QSER1: variants seen among roughly 807,000 people sequenced by gnomAD.
The protein encoded by QSER1 is glutamine and serine-rich protein 1.
QSER1 carries 49 observed loss-of-function variants against 158.5 expected under a neutral mutation model. The ratio of observed to expected loss-of-function variants is 0.31; its 90% CI spans 0.25 to 0.39. QSER1 has a LOEUF of 0.39. Among genes scored for constraint, QSER1 ranks in the 10% least tolerant of loss-of-function variants. The pLI is 1.00. For synonymous variants in QSER1, 650 were observed against 715.5 expected (o/e 0.91, Z 1.46); for missense variants, 1,754 against 2,010.3 (o/e 0.87, Z 2.44).
chr11:32,973,807 C>T (rs1432889664), intron 11 of QSER1, among the ~76,000 whole-genome samples: 1 of 152,086 alleles, frequency 6.6e-6, no homozygotes, highest in Non-Finnish European at 1.5e-5. Context: ...ATCTCGTGCT[C>T]ATGTTTATAT....
intron 1 of QSER1, among the ~76,000 whole-genome samples, chr11:32,900,878 G>A (rs571148031): frequency 6.6e-6 from 1 of 152,308 alleles, no homozygotes; most frequent in East Asian, 1.9e-4. Context: ...GCACATCACT[G>A]ACACATGACA....
intron 1 of QSER1, among the ~76,000 whole-genome samples, chr11:32,901,261 T>C (rs972253274): frequency 1.3e-5 from 2 of 152,246 alleles, no homozygotes; most frequent in South Asian, 2.1e-4. Flanking sequence ...GGATAGCATA[T>C]AGATTATTAA....
At chr11:32,927,940 T>G in intron 2 of QSER1, 22 bp from the exon 3 acceptor site, 1 of 606,824 alleles carries the variant, frequency 1.6e-6, no homozygotes, top group Non-Finnish European at 2.8e-6. Context: ...TACTTTGGGA[T>G]ATATTTTATC....
chr11:32,948,400 A>G (rs1852370116), intron 4 of QSER1, among the ~76,000 whole-genome samples: 1 of 152,234 alleles, frequency 6.6e-6, no homozygotes, highest in Non-Finnish European at 1.5e-5. Context: ...TTTACCATCT[A>G]TGTATGCATC....
At chr11:32,961,723 A>G (rs925418440) in intron 8 of QSER1, among the ~76,000 whole-genome samples, 1 of 152,144 alleles carries the variant, frequency 6.6e-6, no homozygotes, top group Non-Finnish European at 1.5e-5. Flanking sequence ...TGCCCATTCT[A>G]AATATCTCAT....
chr11:32,899,199 T>C (rs1851595069), intron 1 of QSER1, among the ~76,000 whole-genome samples: 2 of 152,210 alleles, frequency 1.3e-5, no homozygotes, highest in South Asian at 4.1e-4. Flanking sequence ...GTATTTACTT[T>C]AATCCATGGC....
chr11:32,957,137 T>TC (rs1400325735), intron 7 of QSER1, among the ~76,000 whole-genome samples: 12 of 149,012 alleles, frequency 8.1e-5, no homozygotes, highest in South Asian at 2.1e-4. Context: ...TTTTTTTCTT[T>TC]TTTTTTTTTT....
At chr11:32,961,849 CTAAG>C (rs933768949) in intron 8 of QSER1, among the ~76,000 whole-genome samples, 4 of 152,112 alleles carry the variant, frequency 2.6e-5, no homozygotes, top group African/African-American at 9.7e-5. Context: ...CTTTTTATGG[CTAAG>C]TAATATTCCA....
At chr11:32,963,360 T>C (rs1295386631) in intron 8 of QSER1, among the ~76,000 whole-genome samples, 12 of 152,004 alleles carry the variant, frequency 7.9e-5, no homozygotes, top group Non-Finnish European at 8.8e-5. Context: ...CAGGCTCTGT[T>C]TGTTTGTTTG....
intron 8 of QSER1, among the ~76,000 whole-genome samples, chr11:32,959,516 G>T (rs1852583422): frequency 6.6e-6 from 1 of 152,194 alleles, no homozygotes; most frequent in Non-Finnish European, 1.5e-5. Flanking sequence ...CATAAATTGA[G>T]TCTGAACCTA....
chr11:32,928,810 C>G (rs889913275), intron 3 of QSER1, among the ~76,000 whole-genome samples: 2 of 151,978 alleles, frequency 1.3e-5, no homozygotes, highest in Admixed American at 6.6e-5. Context: ...GATGTAAATT[C>G]CACTAATAGA....
intron 8 of QSER1, among the ~76,000 whole-genome samples, chr11:32,964,761 C>T (rs12272776): frequency 3.5e-5 from 5 of 141,122 alleles, no homozygotes; most frequent in African/African-American, 1.1e-4. Context: ...CACACACACA[C>T]ACACACACAC....
At chr11:32,906,446 G>C (rs1361017727) in intron 1 of QSER1, among the ~76,000 whole-genome samples, 1 of 152,130 alleles carries the variant, frequency 6.6e-6, no homozygotes, top group Non-Finnish European at 1.5e-5. Flanking sequence ...GTCTTACTCT[G>C]TCATCCAGGC....
rs776051259 is a variant in QSER1 at position 32,970,946 on chromosome 11, C to CTTTTTTTTT, written c.5205+1819_5205+1827dup. Among the ~76,000 whole-genome samples the CTTTTTTTTT allele has an allele frequency of 2.1e-4, 16 of 76,898 alleles. 1 individual carries two copies. Among genetic ancestry groups the CTTTTTTTTT allele is most frequent in the African/African-American group, 3.3e-4 (6 of 18,310 alleles). The allele number at this position is 76,898 out of a possible 152,430, so 50.4% of individuals were successfully genotyped here. On this transcript the variant is annotated intron_variant, in intron 10 of 12. Coordinates refer to ENST00000650167, the MANE Select transcript of QSER1 (RefSeq NM_001076786.3). Reference sequence around the variant, plus strand: ...GATAATTGTCATATAAAGCAATTTGCTTTTTTTTTTTTTTTTTTTTTTTTG... The same window carrying CTTTTTTTTT: ...GATAATTGTCATATAAAGCAATTTGCTTTTTTTTTTTTTTTTTTTTTTTTTTTTTTTTTG...
intron 4 of QSER1, among the ~76,000 whole-genome samples, chr11:32,942,264 T>C (rs1364610243): frequency 7.0e-6 from 1 of 142,462 alleles, no homozygotes; most frequent in Non-Finnish European, 1.5e-5. Context: ...ATTTTGTCTT[T>C]TGTTGCCATT....
intron 1 of QSER1, among the ~76,000 whole-genome samples, chr11:32,910,510 A>G (rs541404565): frequency 6.6e-6 from 1 of 152,316 alleles, no homozygotes; most frequent in Non-Finnish European, 1.5e-5. Flanking sequence ...AGACACTTGT[A>G]TGCGGTTTAA....
Position 32,917,413 on chromosome 11 carries a change from T to C in QSER1, c.210-9744T>C, listed in dbSNP as rs150736755. Among the ~76,000 whole-genome samples, 8 of 152,306 alleles carry C rather than the reference T, an allele frequency of 5.3e-5. 1 individual carries two copies. The South Asian group carries it at 1.2e-3, about 24-fold the overall frequency. On this transcript the variant is annotated intron_variant, in intron 1 of 12. Transcript: ENST00000650167. ...CATGTGGTAATGATGTTTAACTTTTTGAGGGAGGCATGAGATTTTATTAAT... is the reference window on the plus strand; with the variant it reads ...CATGTGGTAATGATGTTTAACTTTTCGAGGGAGGCATGAGATTTTATTAAT...
intron 4 of QSER1, among the ~76,000 whole-genome samples, chr11:32,944,024 G>T (rs2133566899): frequency 6.7e-6 from 1 of 149,626 alleles, no homozygotes; most frequent in African/African-American, 2.5e-5. Flanking sequence ...TATTTGCGTA[G>T]AGGTGTTTGT....
Position 32,893,865 on chromosome 11 carries a change from G to T in QSER1, c.209+531G>T, listed in dbSNP as rs1185727247. ...TGGGCTACGGGAGAATCCCCGGGGC[G>T]CAGGGCAGAAGAGGGGGCCCGGCAG... On this transcript the variant is annotated intron_variant, in intron 1 of 12. Coordinates refer to ENST00000650167, the MANE Select transcript of QSER1 (RefSeq NM_001076786.3). This position sits in a 1 kb window ranked among gnomAD's most constrained non-coding sequence, Gnocchi z 4.7. 6.6e-6 allele frequency among the ~76,000 whole-genome samples: 1 copy of T among 152,172 alleles called. No homozygotes were observed. Among genetic ancestry groups the T allele is most frequent in the Non-Finnish European group, 1.5e-5 (1 of 68,024 alleles).
Sources: allele counts gnomAD v4.1 joint callset (sites outside exome capture counted in the v4.1 genomes callset), GRCh38; gene constraint gnomAD v4.1.1; non-coding constraint Gnocchi (gnomAD v3.1); transcripts MANE v1.5; gene names NCBI Gene and HGNC (gene_info 2026-07-23, HGNC 2026-07-21).